PHF24: variants seen among roughly 807,000 people sequenced by gnomAD.
PHF24 encodes the protein PHD finger protein 24, also known as Galpha inhibitory interacting protein.
PHF24 carries 25 observed loss-of-function variants against 42.6 expected under a neutral mutation model. That is an observed-to-expected ratio of 0.59 (90% confidence interval 0.43 to 0.82). The LOEUF (loss-of-function observed/expected upper bound fraction) is 0.82, where lower values mean the gene tolerates loss of function less well. PHF24 is among the 40% of genes least tolerant of loss of function. PHF24 has a pLI of 0.00. For missense variants in PHF24, 470 were observed against 538.1 expected (o/e 0.87, Z 1.25); for synonymous variants, 185 against 204.8 (o/e 0.90, Z 0.83).
At chr9:34,685,611 C>T in the PHF24 span, among the ~76,000 whole-genome samples, 8 of 152,248 alleles carry the variant, frequency 5.3e-5, no homozygotes, top group African/African-American at 1.9e-4. Context: ...GCTTAGACTG[C>T]AATCCCAGCT....
the PHF24 span, among the ~76,000 whole-genome samples, chr9:34,774,072 G>C: frequency 6.6e-6 from 1 of 152,134 alleles, no homozygotes; most frequent in Non-Finnish European, 1.5e-5. Context: ...TGGACCTTTA[G>C]CTTATACCAT....
At chr9:34,724,261 G>A in the PHF24 span, 9 of 1,551,512 alleles carry the variant, frequency 5.8e-6, no homozygotes, top group South Asian at 1.2e-5. Flanking sequence ...GTGAGATCTT[G>A]GAGACCGAGT....
chr9:34,861,563 C>T, the PHF24 span, among the ~76,000 whole-genome samples: 1 of 152,094 alleles, frequency 6.6e-6, no homozygotes, highest in South Asian at 2.1e-4. Context: ...CAGCAGCCAT[C>T]GTAAAGAGGC....
the PHF24 span, among the ~76,000 whole-genome samples, chr9:34,880,709 A>G: frequency 9.2e-5 from 14 of 152,342 alleles, no homozygotes; most frequent in African/African-American, 2.9e-4. Context: ...TCATAAAGCA[A>G]GTCCTTAGAG....
chr9:34,806,556 T>C, the PHF24 span, among the ~76,000 whole-genome samples: 1 of 152,116 alleles, frequency 6.6e-6, no homozygotes, highest in African/African-American at 2.4e-5. Flanking sequence ...CCTCCTGGGT[T>C]CAAGCAATTC....
the PHF24 span, among the ~76,000 whole-genome samples, chr9:34,770,591 T>C: frequency 6.6e-6 from 1 of 152,074 alleles, no homozygotes; most frequent in African/African-American, 2.4e-5. Context: ...ACCCTTTGTG[T>C]GTGAAAGGTG....
At chr9:34,799,934 G>A in the PHF24 span, among the ~76,000 whole-genome samples, 1 of 152,144 alleles carries the variant, frequency 6.6e-6, no homozygotes, top group Non-Finnish European at 1.5e-5. Context: ...GCTAAATAAT[G>A]TGTACACATT....
At chr9:34,798,703 C>T in the PHF24 span, among the ~76,000 whole-genome samples, 63 of 152,236 alleles carry the variant, frequency 4.1e-4, no homozygotes, top group South Asian at 1.5e-3. Context: ...TTTGGTAGAA[C>T]AATTCATTTT....
At chr9:34,860,100 A>C in the PHF24 span, among the ~76,000 whole-genome samples, 1 of 152,168 alleles carries the variant, frequency 6.6e-6, no homozygotes, top group Non-Finnish European at 1.5e-5. Context: ...TGGAGACTGC[A>C]AGGTTTTGAG....
At chr9:34,845,839 A>G in the PHF24 span, among the ~76,000 whole-genome samples, 2 of 146,250 alleles carry the variant, frequency 1.4e-5, no homozygotes, top group Non-Finnish European at 3.0e-5. Flanking sequence ...TATGAGTGAG[A>G]ATATGCGGTG....
intron 2 of PHF24, 94 bp downstream of exon 2, chr9:34,971,770 G>C (rs769049552): frequency 3.6e-6 from 5 of 1,399,288 alleles, no homozygotes; most frequent in Non-Finnish European, 4.8e-6. Context: ...CTCAAAACCG[G>C]AAAAATGGAG....
the PHF24 span, chr9:34,917,760 C>A: frequency 1.1e-6 from 1 of 920,306 alleles, no homozygotes; most frequent in Non-Finnish European, 1.8e-6. Flanking sequence ...GGGACTAATG[C>A]CAATCATGCC....
chr9:34,846,188 A>G, the PHF24 span, among the ~76,000 whole-genome samples: 2 of 152,190 alleles, frequency 1.3e-5, no homozygotes, highest in Admixed American at 6.5e-5. Context: ...GACTTCCACA[A>G]TGGTTGAACT....
chr9:34,802,553 C>A, the PHF24 span, among the ~76,000 whole-genome samples: 2 of 152,232 alleles, frequency 1.3e-5, no homozygotes, highest in African/African-American at 4.8e-5. Context: ...AAAACTCTTT[C>A]TGCATCCTAA....
chr9:34,847,215 A>G, the PHF24 span, among the ~76,000 whole-genome samples: 2 of 152,164 alleles, frequency 1.3e-5, no homozygotes, highest in Non-Finnish European at 2.9e-5. Flanking sequence ...CATGATATTG[A>G]TTCTTCCTAC....
chr9:34,749,058 A>G, the PHF24 span, among the ~76,000 whole-genome samples: 5 of 152,224 alleles, frequency 3.3e-5, no homozygotes, highest in African/African-American at 9.6e-5. Flanking sequence ...GAAAAACACA[A>G]TTGACATACT....
chr9:34,811,822 G>A, the PHF24 span, among the ~76,000 whole-genome samples: 266 of 152,182 alleles, frequency 1.7e-3, 1 homozygote, highest in African/African-American at 6.1e-3. Context: ...AAAATTCTAT[G>A]CATAAAAGAA....
the PHF24 span, among the ~76,000 whole-genome samples, chr9:34,887,197 C>G: frequency 6.6e-6 from 1 of 152,160 alleles, no homozygotes; most frequent in Non-Finnish European, 1.5e-5. Context: ...AACCCAGCAT[C>G]TAAATGCCTG....
At chr9:34,726,814 CA>C in the PHF24 span, 12 of 1,551,812 alleles carry the variant, frequency 7.7e-6, no homozygotes, top group Non-Finnish European at 1.0e-5. Flanking sequence ...TAGACGTAGA[CA>C]GCATCTCTAG....
Sources: gnomAD v4.1 joint callset for allele counts (sites outside exome capture counted in the v4.1 genomes callset) on GRCh38, gnomAD v4.1.1 for gene constraint, MANE v1.5 for transcripts, NCBI Gene and HGNC (gene_info 2026-07-23, HGNC 2026-07-21) for gene names.